Variants in RAD51B observed in about 807,000 individuals in gnomAD.
RAD51B encodes the protein RAD51 paralog B.
Under a neutral mutation model 42.2 loss-of-function variants are expected in RAD51B, and 38 were observed. The observed-to-expected ratio is 0.90, with a 90% CI of 0.70 to 1.18. The LOEUF is 1.18. Among genes scored for constraint, RAD51B ranks in the 50% most tolerant of loss-of-function variants. RAD51B has a pLI of 0.00. For missense variants in RAD51B, 373 were observed against 400.7 expected (o/e 0.93, Z 0.59); for synonymous variants, 154 against 145.2 (o/e 1.06, Z -0.43).
intron 9 of RAD51B, among the ~76,000 whole-genome samples, chr14:68,414,769 C>T (rs1390102355): frequency 6.6e-6 from 1 of 150,524 alleles, no homozygotes; most frequent in Non-Finnish European, 1.5e-5. Context: ...GCCTGTAATC[C>T]CAGCACTTTT....
intron 7 of RAD51B, among the ~76,000 whole-genome samples, chr14:67,996,424 A>G (rs1341647433): frequency 1.3e-5 from 2 of 150,332 alleles, no homozygotes; most frequent in Admixed American, 6.6e-5. Context: ...ATAAATAAAT[A>G]AATAAATAAA....
At chr14:68,545,170 G>A (rs1888156473) in intron 10 of RAD51B, among the ~76,000 whole-genome samples, 1 of 152,200 alleles carries the variant, frequency 6.6e-6, no homozygotes, top group Non-Finnish European at 1.5e-5. Context: ...CAGGTTCCAT[G>A]GGCACATATC....
At chr14:68,418,552 C>T (rs894616628) in intron 9 of RAD51B, among the ~76,000 whole-genome samples, 1 of 152,174 alleles carries the variant, frequency 6.6e-6, no homozygotes, top group Non-Finnish European at 1.5e-5. Flanking sequence ...AATACCTGGG[C>T]AGGAGATTTC....
chr14:68,674,348 AAAC>A (rs545294475), intron 11 of RAD51B, among the ~76,000 whole-genome samples: 234 of 152,258 alleles, frequency 1.5e-3, no homozygotes, highest in Non-Finnish European at 3.0e-3. Context: ...CACTACTAGA[AAAC>A]AACATGTTAT....
intron 7 of RAD51B, among the ~76,000 whole-genome samples, chr14:68,023,814 G>A (rs963865213): frequency 6.8e-6 from 1 of 146,366 alleles, no homozygotes; most frequent in African/African-American, 2.5e-5. Context: ...TCTGTTGATA[G>A]TTTCTTTTGC....
intron 4 of RAD51B, among the ~76,000 whole-genome samples, chr14:67,835,723 C>T (rs1358399136): frequency 1.3e-5 from 2 of 151,820 alleles, no homozygotes; most frequent in African/African-American, 4.8e-5. Context: ...AACCATTTAG[C>T]CATATGTGGT....
intron 8 of RAD51B, among the ~76,000 whole-genome samples, chr14:68,340,780 A>G (rs1048388247): frequency 6.6e-6 from 1 of 152,198 alleles, no homozygotes; most frequent in African/African-American, 2.4e-5. Flanking sequence ...CATCTTGCAT[A>G]TTTGGGATAT....
chr14:68,484,359 C>CTTTTTTTTTT (rs10665607), intron 10 of RAD51B, among the ~76,000 whole-genome samples: 9 of 130,166 alleles, frequency 6.9e-5, no homozygotes, highest in Admixed American at 2.3e-4. Flanking sequence ...CTTTCTTTTT[C>CTTTTTTTTTT]TTTTTTTTTT....
intron 7 of RAD51B, among the ~76,000 whole-genome samples, chr14:68,290,311 C>G (rs2081491035): frequency 6.6e-6 from 1 of 152,182 alleles, no homozygotes; most frequent in Non-Finnish European, 1.5e-5. Flanking sequence ...CCAAGATGCT[C>G]ATAGTTTCTT....
At chr14:68,513,420 C>T (rs1885892719) in intron 10 of RAD51B, among the ~76,000 whole-genome samples, 1 of 152,218 alleles carries the variant, frequency 6.6e-6, no homozygotes, top group African/African-American at 2.4e-5. Context: ...ACCTGTGAGT[C>T]ATATAAGCCC....
At chr14:68,590,988 C>T (rs184627956) in intron 10 of RAD51B, among the ~76,000 whole-genome samples, 124 of 152,330 alleles carry the variant, frequency 8.1e-4, no homozygotes, top group Non-Finnish European at 1.4e-3. Context: ...CCCCTCCCCT[C>T]CCCTCCGGTT....
intron 8 of RAD51B, among the ~76,000 whole-genome samples, chr14:68,328,436 T>C (rs1381262227): frequency 6.6e-6 from 1 of 152,182 alleles, no homozygotes; most frequent in African/African-American, 2.4e-5. Flanking sequence ...CCAGTGGATT[T>C]GTTCTTCAAG....
At chr14:67,824,259 T>G (rs1332747764) in intron 2 of RAD51B, among the ~76,000 whole-genome samples, 1 of 152,084 alleles carries the variant, frequency 6.6e-6, no homozygotes, top group East Asian at 1.9e-4. Context: ...TTTATCCTTT[T>G]TTTGTTTGTT....
At chr14:67,982,311 T>C (rs1031361445) in intron 7 of RAD51B, among the ~76,000 whole-genome samples, 1 of 152,110 alleles carries the variant, frequency 6.6e-6, no homozygotes, top group Non-Finnish European at 1.5e-5. Context: ...AAGAAAAAAT[T>C]GTAAAGAGGT....
chr14:68,086,581 A>G (rs1226099258), intron 7 of RAD51B, among the ~76,000 whole-genome samples: 8 of 152,048 alleles, frequency 5.3e-5, no homozygotes, highest in Non-Finnish European at 1.0e-4. Flanking sequence ...CAGGGAGGGC[A>G]TGTGGGCTTG....
intron 7 of RAD51B, among the ~76,000 whole-genome samples, chr14:68,056,001 T>A (rs185147912): frequency 2.6e-4 from 39 of 152,156 alleles, no homozygotes; most frequent in Admixed American, 2.6e-3. Context: ...AGAAATGACT[T>A]TTTTAGTGCC....
intron 7 of RAD51B, among the ~76,000 whole-genome samples, chr14:68,220,446 G>A (rs1183148477): frequency 2.0e-5 from 3 of 152,108 alleles, no homozygotes; most frequent in African/African-American, 4.8e-5. Context: ...CAGCAAAATC[G>A]GCATAGAAGG....
intron 7 of RAD51B, among the ~76,000 whole-genome samples, chr14:67,971,692 T>G (rs570737244): frequency 6.6e-6 from 1 of 152,174 alleles, no homozygotes; most frequent in East Asian, 1.9e-4. Flanking sequence ...TTATTCTTTG[T>G]GACTGTTGTG....
At chr14:68,384,654 G>A (rs1426777972) in intron 8 of RAD51B, among the ~76,000 whole-genome samples, 2 of 152,162 alleles carry the variant, frequency 1.3e-5, no homozygotes, top group East Asian at 3.8e-4. Context: ...AAGTTGTCTT[G>A]GGATCAGAAT....
Sources: gnomAD v4.1 joint callset for allele counts (sites outside exome capture counted in the v4.1 genomes callset) on GRCh38, gnomAD v4.1.1 for gene constraint, MANE v1.5 for transcripts, NCBI Gene and HGNC (gene_info 2026-07-23, HGNC 2026-07-21) for gene names.